Variants in SYNJ2 observed in about 807,000 individuals in gnomAD.
SYNJ2 encodes synaptojanin 2.
SYNJ2 carries 116 observed loss-of-function variants against 141.3 expected under a neutral mutation model. That is an observed-to-expected ratio of 0.82 (90% confidence interval 0.71 to 0.96). The LOEUF (loss-of-function observed/expected upper bound fraction) is 0.96. Ranked by LOEUF, SYNJ2 falls within the 40% of genes least tolerant of loss-of-function variation. SYNJ2 has a pLI of 0.00. For synonymous variants in SYNJ2, 745 were observed against 777.7 expected (o/e 0.96, Z 0.70); for missense variants, 1,873 against 1,934.8 (o/e 0.97, Z 0.60).
At chr6:158,005,191 C>T (rs576168746) in intron 1 of SYNJ2, among the ~76,000 whole-genome samples, 1 of 152,082 alleles carries the variant, frequency 6.6e-6, no homozygotes, top group Non-Finnish European at 1.5e-5. Flanking sequence ...CATTCTCCTG[C>T]CTCAGCCTCC....
chr6:158,080,330 C>G (rs951164502), intron 18 of SYNJ2, among the ~76,000 whole-genome samples: 1 of 152,012 alleles, frequency 6.6e-6, no homozygotes, highest in African/African-American at 2.4e-5. Flanking sequence ...CAAAAATTAG[C>G]TGGTCATGGT....
chr6:158,030,093 T>G (rs1283526492), intron 3 of SYNJ2, among the ~76,000 whole-genome samples: 1 of 152,186 alleles, frequency 6.6e-6, no homozygotes, highest in Non-Finnish European at 1.5e-5. Flanking sequence ...TTCTGTATGT[T>G]TAAGATCTCC....
At chr6:158,007,456 A>AG (rs1778116879) in intron 1 of SYNJ2, among the ~76,000 whole-genome samples, 2 of 152,326 alleles carry the variant, frequency 1.3e-5, no homozygotes, top group South Asian at 4.1e-4. Context: ...CTGTCACGCC[A>AG]GGGCCACTCC....
chr6:158,035,355 A>G (rs570003343), intron 4 of SYNJ2, among the ~76,000 whole-genome samples: 1 of 152,246 alleles, frequency 6.6e-6, no homozygotes, highest in East Asian at 1.9e-4. Context: ...AATTTCTTTG[A>G]GCAGTGTTTT....
Position 158,086,945 on chromosome 6 carries a change from A to G in SYNJ2, c.3299A>G (p.Asn1100Ser), listed in dbSNP as rs1459260549. The G allele has an allele frequency of 1.9e-6, 3 of 1,605,308 alleles. No homozygotes were observed. Among genetic ancestry groups the G allele is most frequent in the Non-Finnish European group, 2.5e-6 (3 of 1,178,498 alleles). The change falls in exon 23 of 27, where the codon AAC becomes AGC. Residue 1100 changes from asparagine to serine, a missense_variant. Transcript: ENST00000355585. ...RSPSRSLSVP[N>S]RPRPPQPPQR... ...CCGAGCAGGTCTCTGTCGGTCCCCA[A>G]CCGGCCTCGGCCACCTCAACCCCCG...
intron 22 of SYNJ2, 73 bp from the exon 23 acceptor site, chr6:158,086,782 G>A: frequency 6.5e-7 from 1 of 1,527,860 alleles, no homozygotes. Context: ...TCGGCCTCCT[G>A]TGCTCAGATC....
intron 9 of SYNJ2, 49 bp from the exon 10 acceptor site, chr6:158,064,552 G>T: frequency 1.9e-6 from 3 of 1,601,012 alleles, no homozygotes; most frequent in South Asian, 1.1e-5. Context: ...AGTGGCTGCA[G>T]GGCCTCTGTG....
chr6:158,015,593 G>A (rs753997877), intron 1 of SYNJ2, among the ~76,000 whole-genome samples: 3 of 152,172 alleles, frequency 2.0e-5, no homozygotes, highest in African/African-American at 4.8e-5. Context: ...TGGGTTAGCC[G>A]TATCTCTGAC....
intron 1 of SYNJ2, among the ~76,000 whole-genome samples, chr6:157,991,697 G>A (rs1023249990): frequency 4.6e-5 from 7 of 152,182 alleles, no homozygotes; most frequent in Admixed American, 2.6e-4. Flanking sequence ...ACTCAGAAAT[G>A]CAAATCTTAG....
At chr6:158,018,903 C>T (rs1031867805) in intron 2 of SYNJ2, among the ~76,000 whole-genome samples, 15 of 152,250 alleles carry the variant, frequency 9.9e-5, no homozygotes, top group Non-Finnish European at 2.2e-4. Context: ...CGCTCTGCAG[C>T]GATCTTCCTG....
intron 26 of SYNJ2, among the ~76,000 whole-genome samples, chr6:158,094,675 C>T (rs10946072): frequency 0.53 from 80,917 of 151,928 alleles, 21,835 homozygotes; most frequent in African/African-American, 0.62. Flanking sequence ...TTTCTTTTTT[C>T]TTAGTTTGTT....
rs1216231862 is a variant in SYNJ2, at chr6:158,034,066, A to G, written c.711+386A>G. ...AGTAGATCAATACAATGGGGGGATG[A>G]AAGAAGAAACCATTATTTTTTATTC... On this transcript the variant is annotated intron_variant, in intron 4 of 26. Coordinates refer to ENST00000355585, the MANE Select transcript of SYNJ2 (RefSeq NM_003898.4). 2.6e-5 allele frequency among the ~76,000 whole-genome samples: 4 copies of G among 152,230 alleles called. No homozygotes were observed. The East Asian group carries it at 7.7e-4, about 29-fold the overall frequency.
chr6:158,063,058 T>G (rs946540625), intron 8 of SYNJ2, among the ~76,000 whole-genome samples: 5 of 152,176 alleles, frequency 3.3e-5, no homozygotes, highest in Non-Finnish European at 4.4e-5. Flanking sequence ...CAATAAGGTG[T>G]CTTTATATGG....
In SYNJ2 at chr6:158,088,539, C is replaced by T. The variant is rs928921209; in HGVS notation, c.3344-121C>T. ...GTGCCCTAAGTGCCGAGTGAGTATT[C>T]GGACCTCACCGTGTCTGTGGTCTGC... On this transcript the variant is annotated intron_variant, in intron 23 of 26. Coordinates refer to ENST00000355585, the MANE Select transcript of SYNJ2 (RefSeq NM_003898.4). 24 of 719,760 alleles carry T rather than the reference C, an allele frequency of 3.3e-5. No individual in the cohort carries two copies. In the East Asian group the frequency reaches 4.0e-4, roughly 12 times the overall value. The allele number at this position is 719,760 out of a possible 1,614,324, so 44.6% of individuals were successfully genotyped here.
At chr6:158,011,823 G>A (rs774331746) in intron 1 of SYNJ2, among the ~76,000 whole-genome samples, 1 of 152,112 alleles carries the variant, frequency 6.6e-6, no homozygotes, top group South Asian at 2.1e-4. Flanking sequence ...TCCTTGTTTC[G>A]TGGTTCACAA....
At chr6:157,996,599 C>G (rs563926921) in intron 1 of SYNJ2, among the ~76,000 whole-genome samples, 1 of 152,282 alleles carries the variant, frequency 6.6e-6, no homozygotes, top group African/African-American at 2.4e-5. Flanking sequence ...TGTCCCCACC[C>G]GAAGTCATGT....
rs1303843363 is a variant in SYNJ2 at position 158,069,610 on chromosome 6, C to T, written c.1877C>T (p.Ser626Leu). 3.1e-6 allele frequency: 5 copies of T among 1,613,880 alleles called. No homozygotes were observed. The highest frequency in any genetic ancestry group is 1.7e-5 in the Admixed American group (1 of 59,988). Residue 626 changes from serine (S) to leucine (L), a missense_variant, in exon 14 of 27, where the codon TCG becomes TTG. Transcript: ENST00000355585. ...TCTCATAGATACATTCTGTTGACTT[C>T]GGCACAGCTGGTGGGCGTCTGTCTT... is the stretch of plus-strand genomic sequence containing the variant. ...SRSHRYILLT[S>L]AQLVGVCLYI...
intron 3 of SYNJ2, chr6:158,029,298 C>T (rs574739570): frequency 8.3e-5 from 26 of 312,486 alleles, no homozygotes; most frequent in Non-Finnish European, 1.5e-4. Context: ...CCTGTAATCC[C>T]AGCACTTTGG....
At chr6:158,053,087 A>C (rs2502615) in intron 5 of SYNJ2, among the ~76,000 whole-genome samples, 55,242 of 152,016 alleles carry the variant, frequency 0.36, 10,326 homozygotes, top group South Asian at 0.44. Context: ...GGGTCCCTAC[A>C]TTTACATTTT....
Sources: allele counts gnomAD v4.1 joint callset (sites outside exome capture counted in the v4.1 genomes callset), GRCh38; gene constraint gnomAD v4.1.1; transcripts MANE v1.5; gene names NCBI Gene and HGNC (gene_info 2026-07-23, HGNC 2026-07-21).